The following LINGO2 variants were observed in gnomAD, a reference collection of about 807,000 sequenced individuals.
LINGO2 encodes the protein leucine rich repeat and Ig domain containing 2.
LINGO2 carries 14 observed loss-of-function variants against 30.6 expected under a neutral mutation model. That is an observed-to-expected ratio of 0.46 (90% CI 0.30 to 0.72). The LOEUF is 0.72. Among genes scored for constraint, LINGO2 ranks in the 30% least tolerant of loss-of-function variants. The pLI, the probability that LINGO2 is intolerant of heterozygous loss-of-function variation, is 0.07. For missense variants in LINGO2, 729 were observed against 751.7 expected, an observed-to-expected ratio of 0.97 and a Z score of 0.35; for synonymous variants, 317 against 288.5, an observed-to-expected ratio of 1.10 and a Z score of -1.00.
intron 5 of LINGO2, among the ~76,000 whole-genome samples, chr9:27,988,474 A>C (rs1469201085): frequency 2.0e-5 from 3 of 151,996 alleles, no homozygotes; most frequent in African/African-American, 4.8e-5. Context: ...CAACAGTGTA[A>C]AAGTGTTCCT....
chr9:28,761,910 A>G, the LINGO2 span, among the ~76,000 whole-genome samples: 1 of 151,992 alleles, frequency 6.6e-6, no homozygotes, highest in Non-Finnish European at 1.5e-5. Flanking sequence ...TTGGCTATAT[A>G]AAGGGTGAGG....
chr9:28,539,348 G>C (rs1473412945), intron 1 of LINGO2, among the ~76,000 whole-genome samples: 1 of 152,130 alleles, frequency 6.6e-6, no homozygotes, highest in African/African-American at 2.4e-5. Flanking sequence ...TGTTTGTTTA[G>C]TGAATGTTTA....
At chr9:27,985,223 C>T (rs1244751502) in intron 5 of LINGO2, among the ~76,000 whole-genome samples, 1 of 151,862 alleles carries the variant, frequency 6.6e-6, no homozygotes, top group African/African-American at 2.4e-5. Flanking sequence ...CATATATATA[C>T]AACATGTATT....
chr9:28,378,957 A>G (rs1428706236), intron 2 of LINGO2, among the ~76,000 whole-genome samples: 2 of 152,132 alleles, frequency 1.3e-5, no homozygotes, highest in Non-Finnish European at 2.9e-5. Flanking sequence ...TACATTTAAC[A>G]TCACAAAGTA....
At chr9:28,042,801 T>C (rs1156968772) in intron 4 of LINGO2, among the ~76,000 whole-genome samples, 1 of 152,208 alleles carries the variant, frequency 6.6e-6, no homozygotes, top group Non-Finnish European at 1.5e-5. Flanking sequence ...GCCTATTTTC[T>C]TCCTTCTTCC....
chr9:28,149,062 T>C, intron 4 of LINGO2: 3 of 1,534,498 alleles, frequency 2.0e-6, no homozygotes, highest in Non-Finnish European at 2.6e-6. Flanking sequence ...CATGTCTATC[T>C]CCTGAGGCAC....
At chr9:28,434,701 A>C (rs1302967789) in intron 2 of LINGO2, among the ~76,000 whole-genome samples, 1 of 152,124 alleles carries the variant, frequency 6.6e-6, no homozygotes, top group Non-Finnish European at 1.5e-5. Flanking sequence ...TTAAATGAGA[A>C]GGCCAATACA....
intron 4 of LINGO2, among the ~76,000 whole-genome samples, chr9:28,196,016 A>G (rs1488203941): frequency 6.6e-6 from 1 of 151,614 alleles, no homozygotes; most frequent in Admixed American, 6.6e-5. Flanking sequence ...ATAATCAACT[A>G]TATTAATAAA....
Position 28,284,668 on chromosome 9 carries a change from T to C in LINGO2, c.-87+10540A>G, listed in dbSNP as rs921309745. Reference sequence around the variant, plus strand: ...CCAAAGACCGTTTCTATGAGTGTACTTCAAGGTAGTATCTCAAATTAGAGA... The same window carrying C: ...CCAAAGACCGTTTCTATGAGTGTACCTCAAGGTAGTATCTCAAATTAGAGA... On this transcript the variant is annotated intron_variant, in intron 4 of 5. Transcript: ENST00000379992. Among the ~76,000 whole-genome samples, 93 of 152,310 alleles carry C rather than the reference T, an allele frequency of 6.1e-4. 1 individual carries two copies. The highest frequency in any genetic ancestry group is 5.8e-3 in the Admixed American group (89 of 15,296).
chr9:28,876,429 T>A, the LINGO2 span, among the ~76,000 whole-genome samples: 2 of 147,626 alleles, frequency 1.4e-5, no homozygotes, highest in African/African-American at 5.2e-5. Flanking sequence ...GTCCCCAGAG[T>A]GTGATGCTCC....
At chr9:28,323,877 CAG>C (rs1475656596) in intron 3 of LINGO2, among the ~76,000 whole-genome samples, 1 of 152,056 alleles carries the variant, frequency 6.6e-6, no homozygotes, top group Non-Finnish European at 1.5e-5. Context: ...GGTATTATAA[CAG>C]AAATTAAAAG....
At chr9:29,090,454 C>G in the LINGO2 span, among the ~76,000 whole-genome samples, 1 of 151,982 alleles carries the variant, frequency 6.6e-6, no homozygotes, top group African/African-American at 2.4e-5. Context: ...CCTGTCATCT[C>G]TCTAAGTCTC....
At chr9:28,638,289 T>C (rs1827385714) in intron 1 of LINGO2, among the ~76,000 whole-genome samples, 1 of 152,198 alleles carries the variant, frequency 6.6e-6, no homozygotes, top group Non-Finnish European at 1.5e-5. Flanking sequence ...TCTTTTTTTG[T>C]TGTGTCCCTG....
chr9:29,191,636 G>T, the LINGO2 span, among the ~76,000 whole-genome samples: 1 of 151,990 alleles, frequency 6.6e-6, no homozygotes, highest in African/African-American at 2.4e-5. Flanking sequence ...GAAACATTCT[G>T]GGGTTGCTTC....
At chr9:28,752,466 A>T in the LINGO2 span, among the ~76,000 whole-genome samples, 1 of 152,068 alleles carries the variant, frequency 6.6e-6, no homozygotes, top group Non-Finnish European at 1.5e-5. Flanking sequence ...ATTAAAAGGA[A>T]ATACACAAAT....
intron 5 of LINGO2, among the ~76,000 whole-genome samples, chr9:28,005,655 T>G (rs890352324): frequency 5.3e-5 from 8 of 152,154 alleles, no homozygotes; most frequent in Non-Finnish European, 8.8e-5. Flanking sequence ...TGTGTTGTGT[T>G]GGTGGTGATT....
At chr9:28,550,380 TTCA>T (rs1822210756) in intron 1 of LINGO2, among the ~76,000 whole-genome samples, 1 of 151,894 alleles carries the variant, frequency 6.6e-6, no homozygotes, top group South Asian at 2.1e-4. Context: ...TTTCTTCAGC[TTCA>T]TCTGATCTTC....
chr9:28,751,095 T>A, the LINGO2 span, among the ~76,000 whole-genome samples: 1 of 151,416 alleles, frequency 6.6e-6, no homozygotes, highest in Non-Finnish European at 1.5e-5. Context: ...TGAGATCCAA[T>A]CTCTACAAAA....
chr9:28,718,425 T>A, the LINGO2 span, among the ~76,000 whole-genome samples: 1 of 152,032 alleles, frequency 6.6e-6, no homozygotes, highest in Non-Finnish European at 1.5e-5. Flanking sequence ...TTTATCTTTC[T>A]CTTCAACCAA....
Sources: gnomAD v4.1 joint callset for allele counts (sites outside exome capture counted in the v4.1 genomes callset) on GRCh38, gnomAD v4.1.1 for gene constraint, MANE v1.5 for transcripts, NCBI Gene and HGNC (gene_info 2026-07-23, HGNC 2026-07-21) for gene names.